Variants in RANBP1 observed in about 807,000 individuals in gnomAD.
RANBP1 encodes ran-specific GTPase-activating protein.
In RANBP1, 16 loss-of-function variants were observed where a neutral mutation model predicts 31.4. That is an observed-to-expected ratio of 0.51 (90% CI 0.34 to 0.77). The LOEUF is 0.77. Among genes scored for constraint, RANBP1 ranks in the 30% least tolerant of loss-of-function variants. The pLI, the probability that RANBP1 is intolerant of heterozygous loss-of-function variation, is 0.01. For missense variants in RANBP1, 265 were observed against 362.0 expected (o/e 0.73, Z 2.17); for synonymous variants, 129 against 140.5 (o/e 0.92, Z 0.58).
chr22:20,117,619 C>G (rs745768671), intron 1 of RANBP1: 1 of 1,300,244 alleles, frequency 7.7e-7, no homozygotes, highest in Non-Finnish European at 9.8e-7. Flanking sequence ...GACGACCGAC[C>G]CAGCCGAGCC....
chr22:20,126,490 C>A (rs777327793), intron 5 of RANBP1, 122 bp downstream of exon 5: 3 of 1,597,004 alleles, frequency 1.9e-6, no homozygotes, highest in Non-Finnish European at 2.6e-6. Context: ...GGCCGCCTCA[C>A]GTATCCAGAG....
intron 1 of RANBP1, chr22:20,117,919 T>G: frequency 8.9e-6 from 9 of 1,007,690 alleles, no homozygotes; most frequent in Non-Finnish European, 4.7e-6. Flanking sequence ...TGGGGTGGGT[T>G]GGGGAGCGGC....
chr22:20,119,005 C>T lies in RANBP1; in HGVS notation c.247-8C>T. On this transcript the variant is annotated splice_polypyrimidine_tract_variant and splice_region_variant and intron_variant, in intron 1 of 5. Transcript: ENST00000430524. ...GGCCAGCAGTGTAACCTCTTTGTAT[C>T]TCCACAGGACACTCATGAGGACCAT... The T allele has an allele frequency of 6.2e-7, 1 of 1,610,612 alleles. No homozygotes were observed. Among genetic ancestry groups the T allele is most frequent in the Non-Finnish European group, 8.5e-7 (1 of 1,179,418 alleles).
chr22:20,117,308 C>A (rs2050057985), intron 1 of RANBP1: 1 of 953,890 alleles, frequency 1.0e-6, no homozygotes, highest in Non-Finnish European at 1.4e-6. Flanking sequence ...GCGCGCGTGG[C>A]CGGGACGGAA....
At chr22:20,117,214 C>T (rs1426495224) in intron 1 of RANBP1, 3 of 542,520 alleles carry the variant, frequency 5.5e-6, no homozygotes, top group South Asian at 3.1e-5. Context: ...CGGCGGAGGC[C>T]GAGCGTCTCT....
At chr22:20,119,247 G>A in intron 2 of RANBP1, 98 bp downstream of exon 2, 2 of 1,209,742 alleles carry the variant, frequency 1.7e-6, no homozygotes, top group Non-Finnish European at 1.2e-6. Context: ...TCAGACTGAG[G>A]CTGCTTAAAG....
At chr22:20,117,430 CCG>C (rs2050061112) in intron 1 of RANBP1, 1 of 1,197,328 alleles carries the variant, frequency 8.4e-7, no homozygotes, top group East Asian at 3.9e-5. Context: ...ATGAGAGTGT[CCG>C]CCTCCTGAGC....
chr22:20,117,154 C>T, intron 1 of RANBP1: 1 of 556,248 alleles, frequency 1.8e-6, no homozygotes, highest in Non-Finnish European at 3.0e-6. Context: ...CCGCCAGGGG[C>T]CCGCGCCGGC....
intron 4 of RANBP1, 113 bp downstream of exon 4, chr22:20,125,549 G>A (rs1330934951): frequency 2.0e-6 from 3 of 1,538,188 alleles, no homozygotes; most frequent in Admixed American, 2.0e-5. Context: ...CAGTAACTGG[G>A]AAGTGTGTCG....
At position 20,126,712 on chromosome 22, in the gene RANBP1, G is replaced by C. The variant is rs746429805; in HGVS notation, c.737-240G>C. 5.4e-6 allele frequency: 8 copies of C among 1,477,172 alleles called. No homozygotes were observed. In the Admixed American group the frequency reaches 1.6e-4, roughly 30 times the overall value. 91.5% of individuals were successfully genotyped at this position (1,477,172 alleles called of 1,614,324 possible). A position where few individuals can be genotyped will look rare whatever the true frequency, so the allele number is the denominator to read the frequency against. ...CTGCAGCTGTGGTGGCAAGTGACCA[G>C]ATGTCACTGAGCAGCCTGACCATGG... On this transcript the variant is annotated intron_variant, in intron 5 of 5. Coordinates refer to ENST00000430524, the MANE Select transcript of RANBP1 (RefSeq NM_001278639.2).
chr22:20,122,483 G>A, intron 3 of RANBP1, 62 bp downstream of exon 3: 1 of 1,609,626 alleles, frequency 6.2e-7, no homozygotes, highest in South Asian at 1.1e-5. Context: ...CCTTTGGGAA[G>A]ATTCAGGGCT....
chr22:20,116,827 A>AC, intron 1 of RANBP1: 40 of 1,017,998 alleles, frequency 3.9e-5, no homozygotes, highest in Admixed American at 7.0e-5. Flanking sequence ...TTCCTGACCC[A>AC]CCCCGCCTCC....
At chr22:20,116,938 C>T (rs1233089820) in intron 1 of RANBP1, 1 of 1,581,186 alleles carries the variant, frequency 6.3e-7, no homozygotes, top group Admixed American at 1.8e-5. Context: ...AGACCAGGGA[C>T]GCCATGGGGG....
At chr22:20,126,548 A>T in intron 5 of RANBP1, 180 bp downstream of exon 5, 1 of 1,568,492 alleles carries the variant, frequency 6.4e-7, no homozygotes, top group Non-Finnish European at 8.7e-7. Flanking sequence ...AGCCCTGAGC[A>T]CTTGTCAGTG....
chr22:20,117,044 C>A (rs982392052), intron 1 of RANBP1: 3 of 1,166,958 alleles, frequency 2.6e-6, no homozygotes, highest in East Asian at 5.2e-5. Flanking sequence ...CGGTGCAACG[C>A]CGCGAGGTCG....
At chr22:20,117,706 C>CGGGTGGGAT (rs374944780) in intron 1 of RANBP1, 56,613 of 1,112,870 alleles carry the variant, frequency 0.051, 1,695 homozygotes, top group South Asian at 0.098. Flanking sequence ...GCGGGCGGGG[C>CGGGTGGGAT]CGGGGCCGTT....
intron 1 of RANBP1, chr22:20,117,348 C>T: frequency 1.7e-6 from 2 of 1,203,350 alleles, no homozygotes; most frequent in Non-Finnish European, 2.1e-6. Flanking sequence ...GGAGTGCGCG[C>T]TCCTCTGGCT....
At chr22:20,126,079 C>G (rs573107618) in intron 4 of RANBP1, among the ~76,000 whole-genome samples, 1 of 152,264 alleles carries the variant, frequency 6.6e-6, no homozygotes, top group African/African-American at 2.4e-5. Context: ...GAGGCCCATG[C>G]CCCTTGGTTG....
intron 3 of RANBP1, among the ~76,000 whole-genome samples, chr22:20,123,224 G>A (rs1055023166): frequency 7.7e-6 from 1 of 130,602 alleles, no homozygotes; most frequent in African/African-American, 2.9e-5. Context: ...AGTGTGTGGT[G>A]TCTGGGGGGC....
Sources: allele counts gnomAD v4.1 joint callset (sites outside exome capture counted in the v4.1 genomes callset), GRCh38; gene constraint gnomAD v4.1.1; transcripts MANE v1.5; gene names NCBI Gene and HGNC (gene_info 2026-07-23, HGNC 2026-07-21).